FBXL20: variants seen among roughly 807,000 people sequenced by gnomAD.
FBXL20 encodes the protein F-box and leucine rich repeat protein 20.
Under a neutral mutation model 64.0 loss-of-function variants are expected in FBXL20, and 11 were observed. The ratio of observed to expected loss-of-function variants is 0.17; its 90% CI spans 0.11 to 0.28. FBXL20 has a LOEUF of 0.28. Among genes scored for constraint, FBXL20 ranks in the 10% least tolerant of loss-of-function variants. FBXL20 has a pLI of 1.00. For missense variants in FBXL20, 303 were observed against 526.2 expected, an observed-to-expected ratio of 0.58 and a Z score of 4.15; for synonymous variants, 184 against 189.0, an observed-to-expected ratio of 0.97 and a Z score of 0.22.
At chr17:39,348,842 G>A (rs1422197906) in intron 1 of FBXL20, among the ~76,000 whole-genome samples, 13 of 152,062 alleles carry the variant, frequency 8.5e-5, no homozygotes, top group South Asian at 4.1e-4. Flanking sequence ...CTACAGAAAC[G>A]TGTTACCACA....
intron 2 of FBXL20, among the ~76,000 whole-genome samples, chr17:39,307,317 A>G (rs1016264634): frequency 6.6e-6 from 1 of 152,176 alleles, no homozygotes; most frequent in Admixed American, 6.5e-5. Context: ...AAGCTGAGTA[A>G]TGTGATAGAA....
intron 1 of FBXL20, among the ~76,000 whole-genome samples, chr17:39,361,775 C>T (rs937395092): frequency 6.6e-6 from 1 of 151,814 alleles, no homozygotes; most frequent in Non-Finnish European, 1.5e-5. Flanking sequence ...CCAGCCTTAG[C>T]GACAGAGCGA....
intron 2 of FBXL20, among the ~76,000 whole-genome samples, chr17:39,327,390 C>T (rs1456006624): frequency 6.6e-6 from 1 of 151,782 alleles, no homozygotes; most frequent in African/African-American, 2.4e-5. Context: ...ATTAAGTAAA[C>T]ATATTATGGA....
chr17:39,292,734 C>T (rs979395881), intron 6 of FBXL20, among the ~76,000 whole-genome samples: 3 of 151,592 alleles, frequency 2.0e-5, no homozygotes, highest in Non-Finnish European at 2.9e-5. Context: ...TTTCTATTGA[C>T]TGGCTTTTCT....
At chr17:39,290,481 A>T (rs1295237876) in intron 6 of FBXL20, among the ~76,000 whole-genome samples, 3 of 152,176 alleles carry the variant, frequency 2.0e-5, no homozygotes, top group Non-Finnish European at 2.9e-5. Context: ...GATCTCAGGA[A>T]GTCTTTCACC....
intron 3 of FBXL20, among the ~76,000 whole-genome samples, chr17:39,301,918 T>G (rs1306474286): frequency 1.3e-5 from 1 of 75,224 alleles, no homozygotes; most frequent in Non-Finnish European, 2.6e-5. Flanking sequence ...TAACCCTCCC[T>G]CCCCCCGCCC....
chr17:39,303,719 C>T, intron 2 of FBXL20, 80 bp from the exon 3 acceptor site: 5 of 1,273,314 alleles, frequency 3.9e-6, no homozygotes, highest in Non-Finnish European at 5.5e-6. Context: ...CAGGGTCTCA[C>T]TCTGTCAGCC....
chr17:39,263,159 T>C (rs531056042), intron 14 of FBXL20, among the ~76,000 whole-genome samples: 10 of 152,046 alleles, frequency 6.6e-5, no homozygotes, highest in Admixed American at 2.6e-4. Flanking sequence ...GGTGGGAGGA[T>C]CGCTTGAGGC....
chr17:39,325,214 G>A (rs2047398778), intron 2 of FBXL20, among the ~76,000 whole-genome samples: 1 of 152,098 alleles, frequency 6.6e-6, no homozygotes, highest in Non-Finnish European at 1.5e-5. Context: ...AAAAAAAATA[G>A]TAGTAATAAT....
At chr17:39,266,223 G>GTTT (rs35541270) in intron 12 of FBXL20, among the ~76,000 whole-genome samples, 3 of 110,282 alleles carry the variant, frequency 2.7e-5, no homozygotes, top group African/African-American at 9.9e-5. Flanking sequence ...CTAGTTTGTT[G>GTTT]TTTTTTTTTT....
intron 3 of FBXL20, among the ~76,000 whole-genome samples, chr17:39,301,543 C>A (rs564236726): frequency 6.6e-6 from 1 of 151,994 alleles, no homozygotes; most frequent in Non-Finnish European, 1.5e-5. Flanking sequence ...GCCTGGCCAA[C>A]ATGGTGAAAC....
chr17:39,305,420 G>C (rs2047173312), intron 2 of FBXL20, among the ~76,000 whole-genome samples: 1 of 152,188 alleles, frequency 6.6e-6, no homozygotes. Flanking sequence ...AAAGTGAATG[G>C]GAGATCAGGC....
intron 1 of FBXL20, among the ~76,000 whole-genome samples, chr17:39,366,733 T>C (rs2047863450): frequency 6.6e-6 from 1 of 152,234 alleles, no homozygotes; most frequent in Admixed American, 6.5e-5. Context: ...CGTAAGTTTC[T>C]GCTGTGATAT....
intron 9 of FBXL20, among the ~76,000 whole-genome samples, chr17:39,278,953 A>G (rs1034093452): frequency 2.6e-5 from 4 of 151,448 alleles, no homozygotes; most frequent in African/African-American, 9.7e-5. Flanking sequence ...CAGGAGTTCT[A>G]GAGCAGCCTG....
chr17:39,321,409 T>G (rs573389435), intron 2 of FBXL20, among the ~76,000 whole-genome samples: 15 of 146,282 alleles, frequency 1.0e-4, no homozygotes, highest in African/African-American at 3.9e-4. Flanking sequence ...GAGGTTGCAG[T>G]GAGCCAAGAT....
At chr17:39,332,830 C>G (rs577918067) in intron 2 of FBXL20, among the ~76,000 whole-genome samples, 1 of 152,028 alleles carries the variant, frequency 6.6e-6, no homozygotes, top group Non-Finnish European at 1.5e-5. Flanking sequence ...CATGAGCCAC[C>G]GTGCCCAGCT....
chr17:39,363,570 T>C (rs1164786635), intron 1 of FBXL20, among the ~76,000 whole-genome samples: 3 of 151,664 alleles, frequency 2.0e-5, no homozygotes, highest in South Asian at 4.2e-4. Flanking sequence ...CCCAGTACTT[T>C]GGGAGGCCAA....
chr17:39,288,689 G>C (rs1324121918), intron 6 of FBXL20, among the ~76,000 whole-genome samples: 2 of 151,664 alleles, frequency 1.3e-5, no homozygotes, highest in Admixed American at 6.6e-5. Context: ...GTTTTTTTAA[G>C]TTAATGGTAT....
intron 1 of FBXL20, among the ~76,000 whole-genome samples, chr17:39,368,845 C>CG (rs1258044297): frequency 1.1e-4 from 17 of 151,970 alleles, no homozygotes; most frequent in Non-Finnish European, 2.9e-5. Context: ...TTAGTAAAGA[C>CG]GGGGTTTCAC....
Sources: gnomAD v4.1 joint callset for allele counts (sites outside exome capture counted in the v4.1 genomes callset) on GRCh38, gnomAD v4.1.1 for gene constraint, MANE v1.5 for transcripts, NCBI Gene and HGNC (gene_info 2026-07-23, HGNC 2026-07-21) for gene names.